Variants in PRDM11 observed in about 807,000 individuals in gnomAD.
The protein encoded by PRDM11 is PR domain-containing protein 11.
In PRDM11, 20 loss-of-function variants were observed where a neutral mutation model predicts 97.8. That is an observed-to-expected ratio of 0.20 (90% CI 0.14 to 0.30). The LOEUF (loss-of-function observed/expected upper bound fraction) is 0.30. Among genes scored for constraint, PRDM11 ranks in the 10% least tolerant of loss-of-function variants. PRDM11 has a pLI of 1.00. For synonymous variants in PRDM11, 599 were observed against 637.7 expected, an observed-to-expected ratio of 0.94 and a Z score of 0.91; for missense variants, 1,139 against 1,555.2, an observed-to-expected ratio of 0.73 and a Z score of 4.50.
At chr11:45,170,140 C>T (rs1408152224) in intron 1 of PRDM11, among the ~76,000 whole-genome samples, 3 of 152,054 alleles carry the variant, frequency 2.0e-5, no homozygotes, top group East Asian at 1.9e-4. Context: ...ATCAGGAGTT[C>T]GAGACTAACC....
chr11:45,230,886 G>T lies in PRDM11; in HGVS notation c.*2727G>T, dbSNP rs1443474582. 2.6e-5 allele frequency: 4 copies of T among 152,284 alleles called. No homozygotes were observed. The highest frequency in any genetic ancestry group is 9.6e-5 in the African/African-American group (4 of 41,464). The allele number at this position is 152,284 out of a possible 1,614,324, so 9.4% of individuals were successfully genotyped here. On this transcript the variant is annotated 3_prime_UTR_variant, in exon 8 of 8. Coordinates refer to ENST00000683152, the MANE Select transcript of PRDM11 (RefSeq NM_001384648.1). ...AAAATCTTCAGCTAGAAGGGGAAAA[G>T]CTTATGGGCCAGTGCCAGTGCCTAC...
intron 1 of PRDM11, among the ~76,000 whole-genome samples, chr11:45,117,505 A>T (rs1048742857): frequency 5.3e-5 from 8 of 152,186 alleles, no homozygotes; most frequent in African/African-American, 1.9e-4. Flanking sequence ...CTAGCACTTT[A>T]GGAAGCTGAG....
intron 1 of PRDM11, among the ~76,000 whole-genome samples, chr11:45,123,345 T>C (rs1219709287): frequency 6.6e-6 from 1 of 152,222 alleles, no homozygotes; most frequent in Admixed American, 6.5e-5. Flanking sequence ...CTCTTTAGTT[T>C]AGTTAGATCC....
intron 1 of PRDM11, among the ~76,000 whole-genome samples, chr11:45,171,543 T>A (rs914820571): frequency 6.6e-6 from 1 of 152,014 alleles, no homozygotes; most frequent in Non-Finnish European, 1.5e-5. Flanking sequence ...GAGGGGTGGC[T>A]GGTGATGAGA....
At chr11:45,220,883 CCTT>C (rs1463744447) in intron 6 of PRDM11, among the ~76,000 whole-genome samples, 1 of 151,890 alleles carries the variant, frequency 6.6e-6, no homozygotes, top group Non-Finnish European at 1.5e-5. Context: ...GAGTCCAGGC[CCTT>C]CTTTCAAGGG....
chr11:45,110,740 C>A (rs957615033), intron 1 of PRDM11, among the ~76,000 whole-genome samples: 1 of 152,196 alleles, frequency 6.6e-6, no homozygotes, highest in Admixed American at 6.5e-5. Context: ...GTGCAAGGAG[C>A]TTCACATCCC....
At chr11:45,101,156 A>C (rs1208261223) in intron 1 of PRDM11, among the ~76,000 whole-genome samples, 2 of 152,100 alleles carry the variant, frequency 1.3e-5, no homozygotes, top group African/African-American at 2.4e-5. Context: ...TGTCTGTTCC[A>C]TGAGAGGAGA....
intron 5 of PRDM11, among the ~76,000 whole-genome samples, chr11:45,208,469 T>C (rs1853594154): frequency 6.6e-6 from 1 of 152,242 alleles, no homozygotes; most frequent in East Asian, 1.9e-4. Context: ...GATCCTTTAC[T>C]GCTATCTTTA....
intron 5 of PRDM11, among the ~76,000 whole-genome samples, chr11:45,206,332 TGGGCCTTCAAAG>T (rs1853508699): frequency 6.6e-6 from 1 of 152,166 alleles, no homozygotes; most frequent in South Asian, 2.1e-4. Context: ...TTCGTTGACA[TGGGCCTTCAAAG>T]GGGCCAGGAT....
Position 45,224,514 on chromosome 11 carries a change from C to G in PRDM11, c.1040C>G (p.Thr347Arg). 1 of 1,614,104 alleles carries G rather than the reference C, an allele frequency of 6.2e-7. No individual in the cohort carries two copies. The change falls in exon 7 of 8, where the codon ACA becomes AGA. Residue 347 changes from threonine to arginine, a missense_variant. Thr to Arg is a moderately conservative substitution (Grantham distance 71). This residue lies in a region of PRDM11 where 429 missense variants were observed against 510.3 expected (regional missense o/e 0.84). Coordinates refer to ENST00000683152, the MANE Select transcript of PRDM11 (RefSeq NM_001384648.1). ...YQDDAYSQCATTMTHGVQNIG... is the reference protein window; with the variant it reads ...YQDDAYSQCARTMTHGVQNIG... The stretch of plus-strand genomic sequence containing the variant: ...GATGACGCCTACAGTCAGTGTGCAA[C>G]AACAATGACCCATGGTGTGCAGAAT...
chr11:45,213,702 G>C (rs1013644858), intron 5 of PRDM11: 5 of 456,346 alleles, frequency 1.1e-5, no homozygotes, highest in African/African-American at 1.0e-4. Context: ...GTCTCAGTGG[G>C]GGCTCAGGAC....
intron 5 of PRDM11, chr11:45,209,359 G>A (rs920269166): frequency 2.9e-6 from 1 of 345,954 alleles, no homozygotes; most frequent in Non-Finnish European, 5.7e-6. Flanking sequence ...ACAGTCCACA[G>A]TCTCCCACCG....
In PRDM11 at chr11:45,157,304, C is replaced by G. The variant is rs116754020; in HGVS notation, c.-7+10427C>G. On this transcript the variant is annotated intron_variant, in intron 1 of 7. Transcript: ENST00000683152. ...CATCAACTGTTCCACCTCGGATCAT[C>G]AGGCATTCGTTCAATTCTCAAAGGA... Among the ~76,000 whole-genome samples, 539 of 152,268 alleles carry G rather than the reference C, an allele frequency of 3.5e-3. 2 individuals are homozygous for G. Among genetic ancestry groups the G allele is most frequent in the African/African-American group, 0.012 (493 of 41,540 alleles).
intron 1 of PRDM11, among the ~76,000 whole-genome samples, chr11:45,179,567 A>G (rs1852416517): frequency 6.6e-6 from 1 of 152,156 alleles, no homozygotes; most frequent in African/African-American, 2.4e-5. Flanking sequence ...ATGCCAGCCT[A>G]TTGGTTCCTG....
intron 1 of PRDM11, among the ~76,000 whole-genome samples, chr11:45,122,236 C>CACACAG (rs570495237): frequency 0.2 from 28,198 of 144,216 alleles, 3,301 homozygotes; most frequent in Non-Finnish European, 0.26. Flanking sequence ...CACACACACA[C>CACACAG]AGAGAGAAAC....
chr11:45,165,904 G>A (rs1360652958), intron 1 of PRDM11, among the ~76,000 whole-genome samples: 2 of 152,082 alleles, frequency 1.3e-5, no homozygotes, highest in East Asian at 1.9e-4. Context: ...CTGTCTCCCC[G>A]CCATGCTACA....
chr11:45,112,344 A>G (rs1199320143), intron 1 of PRDM11, among the ~76,000 whole-genome samples: 3 of 152,208 alleles, frequency 2.0e-5, no homozygotes, highest in African/African-American at 4.8e-5. Flanking sequence ...TGGTTGGTTG[A>G]TGGGCACTTA....
At chr11:45,206,788 C>T (rs1222973338) in intron 5 of PRDM11, among the ~76,000 whole-genome samples, 1 of 152,238 alleles carries the variant, frequency 6.6e-6, no homozygotes, top group Non-Finnish European at 1.5e-5. Context: ...TACAGATCTT[C>T]ATGCCACAGT....
At chr11:45,222,975 CA>C (rs1199123587) in intron 6 of PRDM11, among the ~76,000 whole-genome samples, 1 of 152,216 alleles carries the variant, frequency 6.6e-6, no homozygotes, top group Non-Finnish European at 1.5e-5. Flanking sequence ...CACCAGCAAG[CA>C]TCAGCACTTC....
Sources: allele counts gnomAD v4.1 joint callset (sites outside exome capture counted in the v4.1 genomes callset), GRCh38; gene constraint gnomAD v4.1.1; regional missense constraint gnomAD v4.1.1; transcripts MANE v1.5; gene names NCBI Gene and HGNC (gene_info 2026-07-23, HGNC 2026-07-21).